Variants in AKAP6 observed in about 807,000 individuals in gnomAD.
AKAP6 encodes A-kinase anchor protein 6.
A neutral mutation model predicts 188.5 loss-of-function variants in AKAP6; 58 were observed. The ratio of observed to expected loss-of-function variants is 0.31; its 90% CI spans 0.25 to 0.38. The LOEUF (loss-of-function observed/expected upper bound fraction) is 0.38, where lower values mean the gene tolerates loss of function less well. Ranked by LOEUF, AKAP6 falls within the 10% of genes least tolerant of loss-of-function variation. The probability of loss-of-function intolerance (pLI) is 1.00; values close to 1 mark genes in which losing one functional copy is unlikely to be tolerated. For missense variants in AKAP6, 2,710 were observed against 2,740.0 expected (o/e 0.99, Z 0.24); for synonymous variants, 989 against 998.6 (o/e 0.99, Z 0.18).
chr14:32,695,311 T>G (rs944821593), intron 8 of AKAP6, among the ~76,000 whole-genome samples: 1 of 152,114 alleles, frequency 6.6e-6, no homozygotes, highest in Non-Finnish European at 1.5e-5. Flanking sequence ...TATCTCTGAG[T>G]GTTAAGCTGA....
intron 12 of AKAP6, among the ~76,000 whole-genome samples, chr14:32,816,648 T>C (rs1594977432): frequency 6.6e-6 from 1 of 152,280 alleles, no homozygotes; most frequent in East Asian, 1.9e-4. Context: ...CTAGTTTAAA[T>C]TGGTTCATCT....
At chr14:32,636,108 G>T (rs1288741263) in intron 7 of AKAP6, among the ~76,000 whole-genome samples, 2 of 152,040 alleles carry the variant, frequency 1.3e-5, no homozygotes, top group Non-Finnish European at 2.9e-5. Flanking sequence ...AAATAAACGT[G>T]CTCCCTATTA....
chr14:32,553,548 A>G (rs1227927551), intron 4 of AKAP6, among the ~76,000 whole-genome samples: 3 of 152,216 alleles, frequency 2.0e-5, no homozygotes, highest in Admixed American at 6.5e-5. Context: ...ACATTTAAAA[A>G]TACTCAGTAA....
At chr14:32,439,374 A>G (rs1001923563) in intron 2 of AKAP6, among the ~76,000 whole-genome samples, 6 of 152,146 alleles carry the variant, frequency 3.9e-5, no homozygotes, top group African/African-American at 1.4e-4. Flanking sequence ...TGGGACAAGG[A>G]GTCTGCCCCA....
chr14:32,595,299 T>C (rs1885647983), intron 5 of AKAP6, among the ~76,000 whole-genome samples: 1 of 152,050 alleles, frequency 6.6e-6, no homozygotes, highest in Non-Finnish European at 1.5e-5. Context: ...CCATAGCTGC[T>C]GTCTCTCCTG....
intron 1 of AKAP6, among the ~76,000 whole-genome samples, chr14:32,367,940 C>T (rs1887887205): frequency 6.6e-6 from 1 of 152,248 alleles, no homozygotes; most frequent in African/African-American, 2.4e-5. Context: ...CTCAGTGCCT[C>T]ACAGACAACA....
At chr14:32,729,929 A>G (rs1456209399) in intron 9 of AKAP6, among the ~76,000 whole-genome samples, 1 of 152,168 alleles carries the variant, frequency 6.6e-6, no homozygotes, top group African/African-American at 2.4e-5. Flanking sequence ...AGATTAAATT[A>G]TCTTCTCACC....
intron 7 of AKAP6, among the ~76,000 whole-genome samples, chr14:32,658,680 A>G (rs1888554023): frequency 6.6e-6 from 1 of 151,744 alleles, no homozygotes; most frequent in African/African-American, 2.4e-5. Context: ...GGTTTCAATT[A>G]ACTGCATTGA....
intron 4 of AKAP6, among the ~76,000 whole-genome samples, chr14:32,572,744 A>C (rs1191730800): frequency 2.0e-5 from 3 of 152,264 alleles, no homozygotes; most frequent in African/African-American, 7.2e-5. Flanking sequence ...ATACATTTGC[A>C]TGTACTTTCA....
chr14:32,520,926 A>G (rs541104865), intron 2 of AKAP6, among the ~76,000 whole-genome samples: 1 of 152,230 alleles, frequency 6.6e-6, no homozygotes, highest in Non-Finnish European at 1.5e-5. Flanking sequence ...ATGAACATCA[A>G]TGCAAAAATC....
chr14:32,516,831 T>C (rs780655685), intron 2 of AKAP6, among the ~76,000 whole-genome samples: 2 of 152,240 alleles, frequency 1.3e-5, no homozygotes, highest in Non-Finnish European at 2.9e-5. Flanking sequence ...TCAGTAGTAA[T>C]GAACAGCCCT....
At chr14:32,635,233 G>A (rs1044278155) in intron 7 of AKAP6, among the ~76,000 whole-genome samples, 10 of 152,042 alleles carry the variant, frequency 6.6e-5, no homozygotes, top group African/African-American at 2.4e-4. Flanking sequence ...GGGAATAGGA[G>A]CAAGGAAAAG....
At chr14:32,704,381 G>A (rs935381178) in intron 9 of AKAP6, among the ~76,000 whole-genome samples, 5 of 152,074 alleles carry the variant, frequency 3.3e-5, no homozygotes, top group Non-Finnish European at 5.9e-5. Context: ...CCAGATATTT[G>A]TAGATTTCTT....
chr14:32,519,193 A>G (rs774685031), intron 2 of AKAP6, among the ~76,000 whole-genome samples: 4 of 152,240 alleles, frequency 2.6e-5, no homozygotes, highest in Admixed American at 6.5e-5. Context: ...TCCTGAAGGA[A>G]GCACTGAACA....
chr14:32,351,181 A>T (rs752025668), intron 1 of AKAP6, among the ~76,000 whole-genome samples: 13 of 152,228 alleles, frequency 8.5e-5, no homozygotes, highest in Non-Finnish European at 1.9e-4. Flanking sequence ...TATATATCTT[A>T]TAGACATTAA....
At chr14:32,523,387 C>T (rs1472698666) in intron 2 of AKAP6, among the ~76,000 whole-genome samples, 2 of 152,026 alleles carry the variant, frequency 1.3e-5, no homozygotes, top group South Asian at 2.1e-4. Flanking sequence ...ATCTAGGCAC[C>T]GCTGACCAGC....
chr14:32,340,923 C>T (rs184930146), intron 1 of AKAP6, among the ~76,000 whole-genome samples: 2 of 152,350 alleles, frequency 1.3e-5, no homozygotes, highest in East Asian at 1.9e-4. Context: ...GATCTAATCA[C>T]TTCCCAAAGG....
chr14:32,433,872 C>T, intron 2 of AKAP6, 55 bp downstream of exon 2: 1 of 1,510,426 alleles, frequency 6.6e-7, no homozygotes, highest in Non-Finnish European at 9.0e-7. Flanking sequence ...GGCTGTGGCA[C>T]CTAGAGACTG....
Position 32,665,673 on chromosome 14 carries a change from G to A in AKAP6, c.2731-12638G>A, listed in dbSNP as rs528053681. Among the ~76,000 whole-genome samples the A allele has an allele frequency of 2.1e-4, 32 of 152,194 alleles. No homozygotes were observed. The South Asian group carries it at 4.1e-3, about 20-fold the overall frequency. ...AAGACTCACAATCAGAAAGGCAGGC[G>A]AACATTAGAGTCCTGCTTTAGGGCA... On this transcript the variant is annotated intron_variant, in intron 7 of 13. Coordinates refer to ENST00000280979, the MANE Select transcript of AKAP6 (RefSeq NM_004274.5).
Sources: gnomAD v4.1 joint callset for allele counts (sites outside exome capture counted in the v4.1 genomes callset) on GRCh38, gnomAD v4.1.1 for gene constraint, MANE v1.5 for transcripts, NCBI Gene and HGNC (gene_info 2026-07-23, HGNC 2026-07-21) for gene names.